POMZP3: variants seen among roughly 807,000 people sequenced by gnomAD.
POMZP3 encodes the protein POM121 and ZP3 fusion, also known as POM121 and ZP3 fusion protein.
POMZP3 carries 10 observed loss-of-function variants against 19.8 expected under a neutral mutation model. The observed-to-expected ratio is 0.51, with a 90% CI of 0.31 to 0.86. The LOEUF (loss-of-function observed/expected upper bound fraction) is 0.86. POMZP3 is among the 40% of genes least tolerant of loss of function. The probability of loss-of-function intolerance (pLI) is 0.04; values close to 1 mark genes in which losing one functional copy is unlikely to be tolerated. For synonymous variants in POMZP3, 57 were observed against 85.8 expected (o/e 0.66, Z 1.85); for missense variants, 152 against 228.1 (o/e 0.67, Z 2.15).
At chr7:76,621,939 A>AT (rs1815584745) in intron 3 of POMZP3, among the ~76,000 whole-genome samples, 3 of 86,922 alleles carry the variant, frequency 3.5e-5, no homozygotes, top group African/African-American at 5.1e-5. Context: ...CTCCGTTTCA[A>AT]AAAATAAATA....
intron 3 of POMZP3, among the ~76,000 whole-genome samples, chr7:76,620,948 A>T (rs548873327): frequency 1.4e-5 from 2 of 138,272 alleles, no homozygotes; most frequent in South Asian, 4.5e-4. Context: ...GGCTCACTGC[A>T]ACCTCTGCCT....
At chr7:76,611,041 A>AT (rs1815067154) in intron 6 of POMZP3, among the ~76,000 whole-genome samples, 1 of 140,998 alleles carries the variant, frequency 7.1e-6, no homozygotes, top group Admixed American at 7.1e-5. Context: ...CGCCCAGCTA[A>AT]TTTTTTATTT....
In POMZP3 at chr7:76,615,525, A is replaced by T. The variant is rs1473609686; in HGVS notation, c.345+2658T>A. 3.4e-5 allele frequency: 3 copies of T among 87,926 alleles called. 1 individual carries two copies. The East Asian group carries it at 7.8e-4, about 23-fold the overall frequency. 5.4% of individuals were successfully genotyped at this position (87,926 alleles called of 1,614,324 possible). A position where few individuals can be genotyped will look rare whatever the true frequency, so the allele number is the denominator to read the frequency against. On this transcript the variant is annotated intron_variant, in intron 4 of 6. Transcript: ENST00000310842. ...GAGGAGGTGAAGTGGCATCGATGTC[A>T]TCTTTGAAAAGTTTCTACTTTGTCC...
intron 2 of POMZP3, 97 bp from the exon 3 acceptor site, chr7:76,625,780 T>C (rs1320622692): frequency 2.5e-5 from 36 of 1,449,852 alleles, no homozygotes; most frequent in Admixed American, 8.2e-5. Context: ...CAAAGTATAA[T>C]TTATACACTC....
chr7:76,625,795 C>T, intron 2 of POMZP3, 112 bp from the exon 3 acceptor site: 2 of 1,409,960 alleles, frequency 1.4e-6, no homozygotes, highest in East Asian at 2.3e-5. Flanking sequence ...ACACTCACAA[C>T]AGTTCCCCTT....
At chr7:76,626,620 T>C in intron 1 of POMZP3, 88 bp downstream of exon 1, 1 of 1,254,190 alleles carries the variant, frequency 8.0e-7, no homozygotes. Flanking sequence ...TCCCTTCGGA[T>C]TTGATGAAAA....
chr7:76,617,177 AG>A (rs1385514249), intron 4 of POMZP3, among the ~76,000 whole-genome samples: 1 of 88,480 alleles, frequency 1.1e-5, no homozygotes, highest in Non-Finnish European at 2.4e-5. Flanking sequence ...CGTGTTAACC[AG>A]GATGGTCTCA....
chr7:76,622,552 G>C (rs1459544689), intron 3 of POMZP3, among the ~76,000 whole-genome samples: 1 of 151,316 alleles, frequency 6.6e-6, no homozygotes, highest in Non-Finnish European at 1.5e-5. Flanking sequence ...TTTTAGTAGA[G>C]ACAGGGTTTC....
rs559559361 is a variant in POMZP3, at chr7:76,619,435, G to A, written c.228-1135C>T. Among the ~76,000 whole-genome samples the A allele has an allele frequency of 6.3e-4, 96 of 151,188 alleles. 1 individual carries two copies. Among genetic ancestry groups the A allele is most frequent in the African/African-American group, 2.1e-3 (84 of 40,786 alleles). Reference sequence around the variant, plus strand: ...AAATAGGGCTCTCTCCTCTCTGGCAGTATCCCCACTCCCCACAACATACAC... The same window carrying A: ...AAATAGGGCTCTCTCCTCTCTGGCAATATCCCCACTCCCCACAACATACAC... On this transcript the variant is annotated intron_variant, in intron 3 of 6. Coordinates refer to ENST00000310842, the MANE Select transcript of POMZP3 (RefSeq NM_012230.5).
intron 4 of POMZP3, among the ~76,000 whole-genome samples, chr7:76,616,239 C>A (rs1428799931): frequency 7.8e-6 from 1 of 128,154 alleles, no homozygotes; most frequent in African/African-American, 3.1e-5. Flanking sequence ...GCCAAGACCG[C>A]ACCATTGCAT....
rs867140123 is a variant in POMZP3 at position 76,627,181 on chromosome 7, C to G, written c.-625G>C. On this transcript the variant is annotated 5_prime_UTR_variant, in exon 1 of 7. Coordinates refer to ENST00000310842, the MANE Select transcript of POMZP3 (RefSeq NM_012230.5). ...CAGCGACAGGCCGAGAAGCGCCGCC[C>G]CGGCCGGCCCTGACACTCGCTATCG... 6.8e-5 allele frequency: 98 copies of G among 1,442,930 alleles called. 9 individuals are homozygous for G. The Middle Eastern group carries it at 1.7e-3, about 25-fold the overall frequency. 89.4% of individuals were successfully genotyped at this position (1,442,930 alleles called of 1,614,324 possible). A position where few individuals can be genotyped will look rare whatever the true frequency, so the allele number is the denominator to read the frequency against.
chr7:76,621,034 A>AT (rs1470406253), intron 3 of POMZP3: 1 of 147,476 alleles, frequency 6.8e-6, no homozygotes, highest in Non-Finnish European at 1.5e-5. Flanking sequence ...ACGTCCGGCT[A>AT]ATTTTTTTTT....
Position 76,626,022 on chromosome 7 carries a change from T to C in POMZP3, c.43A>G (p.Arg15Gly). ...PVTLRIAPPDRRFSRSAIPEQ... is the reference protein window; with the variant it reads ...PVTLRIAPPDGRFSRSAIPEQ... ...CACATCGCAGAACGCGAAAATCTTCTGTCAGGAGGGGCGATCCTCAGAGTC... is the reference window on the plus strand; with the variant it reads ...CACATCGCAGAACGCGAAAATCTTCCGTCAGGAGGGGCGATCCTCAGAGTC... The change falls in exon 2 of 7, where the codon AGA (arginine) becomes GGA (glycine). Residue 15 changes from arginine (R) to glycine (G), a missense_variant. Transcript: ENST00000310842. 1.2e-6 allele frequency: 2 copies of C among 1,613,862 alleles called. No homozygotes were observed. The highest frequency in any genetic ancestry group is 1.7e-6 in the Non-Finnish European group (2 of 1,179,768).
chr7:76,623,756 G>T (rs556369060), intron 3 of POMZP3, among the ~76,000 whole-genome samples: 2 of 151,786 alleles, frequency 1.3e-5, no homozygotes, highest in Non-Finnish European at 2.9e-5. Flanking sequence ...AGCCAAGATC[G>T]TGCCATTTAC....
At position 76,625,861 on chromosome 7, in the gene POMZP3, C is replaced by G. The variant is rs573648102; in HGVS notation, c.65+139G>C. 12 of 1,385,132 alleles carry G rather than the reference C, an allele frequency of 8.7e-6. No homozygotes were observed. In the East Asian group the frequency reaches 3.0e-4, roughly 35 times the overall value. 85.8% of individuals were successfully genotyped at this position (1,385,132 alleles called of 1,614,324 possible). A position where few individuals can be genotyped will look rare whatever the true frequency, so the allele number is the denominator to read the frequency against. ...AAAAAGTGAAAAACAAACGGTTTTA[C>G]TAGAATTTGGTATTTCTCATTCAAA... On this transcript the variant is annotated intron_variant, in intron 2 of 6. Coordinates refer to ENST00000310842, the MANE Select transcript of POMZP3 (RefSeq NM_012230.5).
chr7:76,627,175 G>A lies in POMZP3; in HGVS notation c.-619C>T, dbSNP rs1212373169. 4 of 1,441,502 alleles carry A rather than the reference G, an allele frequency of 2.8e-6. 1 individual carries two copies. The highest frequency in any genetic ancestry group is 3.7e-6 in the Non-Finnish European group (4 of 1,085,888). 89.3% of individuals were successfully genotyped at this position (1,441,502 alleles called of 1,614,324 possible). A position where few individuals can be genotyped will look rare whatever the true frequency, so the allele number is the denominator to read the frequency against. ...GCCGACCAGCGACAGGCCGAGAAGC[G>A]CCGCCCCGGCCGGCCCTGACACTCG... On this transcript the variant is annotated 5_prime_UTR_variant, in exon 1 of 7. Coordinates refer to ENST00000310842, the MANE Select transcript of POMZP3 (RefSeq NM_012230.5).
intron 1 of POMZP3, 33 bp downstream of exon 1, chr7:76,626,675 A>G: frequency 7.2e-7 from 1 of 1,380,364 alleles, no homozygotes; most frequent in Non-Finnish European, 9.3e-7. Context: ...CAGCCGAGCC[A>G]AAGGATGATC....
chr7:76,619,595 T>G (rs1456536193), intron 3 of POMZP3, among the ~76,000 whole-genome samples: 1 of 150,468 alleles, frequency 6.6e-6, no homozygotes, highest in Admixed American at 6.6e-5. Flanking sequence ...GTGTCTTTTT[T>G]TTTTTTTTTG....
Position 76,626,050 on chromosome 7 carries a change from T to C in POMZP3, c.15A>G (p.Pro5=), listed in dbSNP as rs1257593086. MVCS[P]VTLRIAPPDR... Reference sequence around the variant, plus strand: ...CAGGAGGGGCGATCCTCAGAGTCACTGGGCTACACACCATCCTGGAGTTGC... The same window carrying C: ...CAGGAGGGGCGATCCTCAGAGTCACCGGGCTACACACCATCCTGGAGTTGC... The change falls in exon 2 of 7, where the codon CCA becomes CCG. Residue 5 remains proline, a synonymous_variant. Transcript: ENST00000310842. 1.2e-6 allele frequency: 2 copies of C among 1,613,786 alleles called. No homozygotes were observed. Among genetic ancestry groups the C allele is most frequent in the African/African-American group, 1.3e-5 (1 of 75,026 alleles).
Sources: allele counts gnomAD v4.1 joint callset (sites outside exome capture counted in the v4.1 genomes callset), GRCh38; gene constraint gnomAD v4.1.1; transcripts MANE v1.5; gene names NCBI Gene and HGNC (gene_info 2026-07-23, HGNC 2026-07-21).